ECRG4: variants seen among roughly 807,000 people sequenced by gnomAD.
The protein encoded by ECRG4 is ECRG4 augurin precursor.
A neutral mutation model predicts 15.8 loss-of-function variants in ECRG4; 18 were observed. The observed-to-expected ratio is 1.14, with a 90% confidence interval of 0.79 to 1.69. The LOEUF (loss-of-function observed/expected upper bound fraction) is 1.69, where lower values mean the gene tolerates loss of function less well. Ranked by LOEUF, ECRG4 falls within the 40% of genes most tolerant of loss-of-function variation. The pLI, the probability that ECRG4 is intolerant of heterozygous loss-of-function variation, is 0.00. For synonymous variants in ECRG4, 82 were observed against 73.9 expected (o/e 1.11, Z -0.56); for missense variants, 200 against 190.9 (o/e 1.05, Z -0.28).
chr2:106,069,116 TCTTTCTTC>T (rs1373926673), intron 1 of ECRG4, among the ~76,000 whole-genome samples: 1 of 123,522 alleles, frequency 8.1e-6, no homozygotes, highest in South Asian at 3.0e-4. Context: ...TCCTTCTTTT[TCTTTCTTC>T]CTTTCTCTTT....
chr2:106,067,061 G>GGGCGGA (rs201596639), intron 1 of ECRG4, among the ~76,000 whole-genome samples: 5 of 61,328 alleles, frequency 8.2e-5, no homozygotes, highest in South Asian at 8.2e-4. Flanking sequence ...TGGGAGGCCG[G>GGGCGGA]GGGGGGGGGG....
At chr2:106,064,585 G>A (rs373933230), upstream of ECRG4, among the ~76,000 whole-genome samples, 5 of 152,196 alleles carry the variant, frequency 3.3e-5, no homozygotes, top group Admixed American at 6.5e-5. Context: ...GGCTGAGGCA[G>A]GAGAATCGCT....
At chr2:106,065,309 G>A (rs975585018), upstream of ECRG4, among the ~76,000 whole-genome samples, 16 of 147,334 alleles carry the variant, frequency 1.1e-4, no homozygotes, top group African/African-American at 3.8e-4. Context: ...GAGGAAGTGG[G>A]GGAGCCAAGG....
chr2:106,074,141 G>A (rs1347975011), intron 3 of ECRG4, 98 bp downstream of exon 3: 3 of 1,424,492 alleles, frequency 2.1e-6, no homozygotes, highest in Non-Finnish European at 2.9e-6. Flanking sequence ...ATTCAGCTTT[G>A]CTGTTCATTC....
At chr2:106,074,692 A>T (rs1475018015) in intron 3 of ECRG4, among the ~76,000 whole-genome samples, 1 of 152,234 alleles carries the variant, frequency 6.6e-6, no homozygotes, top group Non-Finnish European at 1.5e-5. Context: ...CCGCATGGGC[A>T]TCCATCCATG....
intron 1 of ECRG4, 29 bp downstream of exon 1, chr2:106,065,872 T>C: frequency 2.1e-6 from 3 of 1,460,644 alleles, no homozygotes; most frequent in Non-Finnish European, 2.7e-6. Context: ...GGCTGATTGA[T>C]AGCGGCACCA....
chr2:106,070,649 T>C (rs1012696830), intron 1 of ECRG4: 1 of 193,840 alleles, frequency 5.2e-6, no homozygotes, highest in Non-Finnish European at 1.1e-5. Context: ...GCTTTATTGA[T>C]GTATAATTCA....
intron 1 of ECRG4, among the ~76,000 whole-genome samples, chr2:106,067,617 G>A (rs1407580149): frequency 1.3e-5 from 2 of 150,540 alleles, no homozygotes; most frequent in African/African-American, 4.9e-5. Flanking sequence ...TTACAGGCAT[G>A]TGTCACCACG....
chr2:106,076,192 G>A (rs1191880986), intron 3 of ECRG4, among the ~76,000 whole-genome samples: 1 of 151,988 alleles, frequency 6.6e-6, no homozygotes, highest in Non-Finnish European at 1.5e-5. Flanking sequence ...GTGGCAGATG[G>A]CTATAATCCC....
chr2:106,064,725 A>C (rs960819559), upstream of ECRG4, among the ~76,000 whole-genome samples: 1 of 152,218 alleles, frequency 6.6e-6, no homozygotes, highest in African/African-American at 2.4e-5. Flanking sequence ...AGAGGTAATC[A>C]GCTCAGTTCA....
intron 2 of ECRG4, among the ~76,000 whole-genome samples, chr2:106,073,055 T>A (rs1213192135): frequency 1.3e-5 from 2 of 152,202 alleles, no homozygotes; most frequent in African/African-American, 4.8e-5. Flanking sequence ...GACCAACGAA[T>A]GCACCAGGCC....
At chr2:106,072,182 C>T (rs1676384411) in intron 2 of ECRG4, 2 of 291,536 alleles carry the variant, frequency 6.9e-6, no homozygotes, top group South Asian at 1.7e-4. Context: ...TATTTTAGGA[C>T]CATGGAGCAC....
At chr2:106,072,079 G>A (rs1317190395) in intron 2 of ECRG4, 188 bp downstream of exon 2, 7 of 530,396 alleles carry the variant, frequency 1.3e-5, no homozygotes, top group East Asian at 8.8e-5. Flanking sequence ...AAATATTATT[G>A]CCAGTAAATG....
intron 2 of ECRG4, 59 bp from the exon 3 acceptor site, chr2:106,073,827 C>G: frequency 1.3e-6 from 2 of 1,594,734 alleles, no homozygotes; most frequent in South Asian, 1.1e-5. Context: ...AGGGATTCAC[C>G]GCAAGTGAGG....
chr2:106,066,166 A>G (rs4420718), intron 1 of ECRG4, among the ~76,000 whole-genome samples: 65,449 of 152,042 alleles, frequency 0.43, 14,611 homozygotes, highest in African/African-American at 0.54. Flanking sequence ...AAGGGGCAAA[A>G]GGGTTGTGGG....
chr2:106,077,598 C>T (rs187877320), intron 3 of ECRG4, among the ~76,000 whole-genome samples, 167 bp from the exon 4 acceptor site: 9 of 152,336 alleles, frequency 5.9e-5, no homozygotes, highest in African/African-American at 1.9e-4. Context: ...GTGAATACTG[C>T]TGACTGTTTT....
chr2:106,071,349 A>AAAAAG (rs1676366428), intron 1 of ECRG4, among the ~76,000 whole-genome samples: 20 of 137,568 alleles, frequency 1.5e-4, no homozygotes, highest in Admixed American at 6.1e-4. Context: ...AAAAAAAAAA[A>AAAAAG]AAAGAAAGAA....
Position 106,074,003 on chromosome 2 carries a change from A to AG in ECRG4, c.246dup (p.Trp83ValfsTer11). ...GACCGGACTCGGCCCGAGGTGCAGC[A>AG]GTGGTACCAGCAGTTTCTCTACATG... On this transcript the variant is annotated frameshift_variant, in exon 3 of 4. Coordinates refer to ENST00000238044, the MANE Select transcript of ECRG4 (RefSeq NM_032411.3). LOFTEE classifies it high-confidence loss of function. The AG allele has an allele frequency of 1.2e-6, 2 of 1,613,822 alleles. No homozygotes were observed. Among genetic ancestry groups the AG allele is most frequent in the Middle Eastern group, 3.5e-4 (2 of 5,698 alleles).
intron 1 of ECRG4, among the ~76,000 whole-genome samples, 188 bp from the exon 2 acceptor site, chr2:106,071,656 C>G (rs2104795084): frequency 6.6e-6 from 1 of 152,286 alleles, no homozygotes. Context: ...CCAGTATTAG[C>G]CATGGGCAGC....
Sources: gnomAD v4.1 joint callset for allele counts (sites outside exome capture counted in the v4.1 genomes callset) on GRCh38, gnomAD v4.1.1 for gene constraint, MANE v1.5 for transcripts, NCBI Gene and HGNC (gene_info 2026-07-23, HGNC 2026-07-21) for gene names.